ATP8B1: variants seen among roughly 807,000 people sequenced by gnomAD.
The protein encoded by ATP8B1 is phospholipid-transporting ATPase IC.
In ATP8B1, 80 loss-of-function variants were observed where a neutral mutation model predicts 149.9. The ratio of observed to expected loss-of-function variants is 0.53; its 90% CI spans 0.45 to 0.64. The LOEUF (loss-of-function observed/expected upper bound fraction) is 0.64. ATP8B1 is among the 30% of genes least tolerant of loss of function. The probability of loss-of-function intolerance (pLI) is 0.00; values close to 1 mark genes in which losing one functional copy is unlikely to be tolerated. For synonymous variants in ATP8B1, 536 were observed against 562.8 expected (o/e 0.95, Z 0.67); for missense variants, 1,247 against 1,552.6 (o/e 0.80, Z 3.31).
At chr18:57,773,629 G>A (rs1434625649) in intron 1 of ATP8B1, among the ~76,000 whole-genome samples, 1 of 152,126 alleles carries the variant, frequency 6.6e-6, no homozygotes, top group Non-Finnish European at 1.5e-5. Context: ...AACTTCAAGT[G>A]TCTACTCAAA....
At chr18:57,763,407 A>G (rs1416243450) in intron 1 of ATP8B1, among the ~76,000 whole-genome samples, 5 of 152,206 alleles carry the variant, frequency 3.3e-5, no homozygotes, top group African/African-American at 1.2e-4. Flanking sequence ...GAAAAAAAAA[A>G]AATTGTACTC....
rs570839179 is a variant in ATP8B1 at position 57,697,667 on chromosome 18, T to C, written c.649A>G (p.Ser217Gly). ...TAGCAGAGGCTGTTAGGCTCAGAGC[T>C]AGACAGCAGGAGAATGTCAGCCTGT... Reference protein sequence around the residue: ...FVPADILLLSSSEPNSLCYVE... With the variant: ...FVPADILLLSGSEPNSLCYVE... The change falls in exon 8 of 28, where the codon AGC becomes GGC. Residue 217 changes from serine to glycine, a missense_variant. By Grantham distance (56) the Ser-to-Gly change is moderately conservative. Transcript: ENST00000648908. The C allele has an allele frequency of 1.2e-6, 2 of 1,613,964 alleles. No individual in the cohort carries two copies. Among genetic ancestry groups the C allele is most frequent in the South Asian group, 2.2e-5 (2 of 91,058 alleles).
At chr18:57,788,607 T>A (rs1164439483) in intron 1 of ATP8B1, among the ~76,000 whole-genome samples, 2 of 151,646 alleles carry the variant, frequency 1.3e-5, no homozygotes, top group African/African-American at 4.8e-5. Flanking sequence ...TGCTCATCAC[T>A]GAACTGAAAG....
chr18:57,718,461 T>A (rs2079606474), intron 2 of ATP8B1, among the ~76,000 whole-genome samples: 1 of 152,092 alleles, frequency 6.6e-6, no homozygotes, highest in Non-Finnish European at 1.5e-5. Flanking sequence ...TCCTACTCAA[T>A]CTATTCTAAA....
intron 1 of ATP8B1, among the ~76,000 whole-genome samples, chr18:57,778,462 C>T (rs2080329438): frequency 1.3e-5 from 2 of 151,966 alleles, no homozygotes; most frequent in South Asian, 4.2e-4. Flanking sequence ...GAGCTCCTGA[C>T]CTCGTGATCC....
At chr18:57,723,067 C>G (rs1414710279) in intron 2 of ATP8B1, among the ~76,000 whole-genome samples, 1 of 151,522 alleles carries the variant, frequency 6.6e-6, no homozygotes, top group Non-Finnish European at 1.5e-5. Context: ...GCTAAAAACT[C>G]TCAGTAAATT....
chr18:57,780,149 TA>T (rs1254241863), intron 1 of ATP8B1, among the ~76,000 whole-genome samples: 2 of 152,278 alleles, frequency 1.3e-5, no homozygotes, highest in African/African-American at 4.8e-5. Context: ...AAGATGTCAA[TA>T]AATGTAGAGG....
intron 15 of ATP8B1, among the ~76,000 whole-genome samples, chr18:57,681,364 A>G (rs1911960893): frequency 6.6e-6 from 1 of 152,186 alleles, no homozygotes; most frequent in Non-Finnish European, 1.5e-5. Context: ...AGATGAGAAC[A>G]TGGCCCAAAC....
At chr18:57,782,801 C>CTTTT (rs1337164844) in intron 1 of ATP8B1, among the ~76,000 whole-genome samples, 2 of 63,026 alleles carry the variant, frequency 3.2e-5, no homozygotes, top group African/African-American at 1.4e-4. Context: ...TCTAGTTTGT[C>CTTTT]TCTTTTTTTT....
In ATP8B1 at chr18:57,674,820, T is replaced by C; in HGVS notation, c.1819+14A>G. Reference sequence around the variant, plus strand: ...AAATGAGCGATTCATAGACAGACTCTGAGGGGGACTTACCAATGATAGACA... The same window carrying C: ...AAATGAGCGATTCATAGACAGACTCCGAGGGGGACTTACCAATGATAGACA... On this transcript the variant is annotated intron_variant, in intron 16 of 27. Coordinates refer to ENST00000648908, the MANE Select transcript of ATP8B1 (RefSeq NM_001374385.1). The C allele has an allele frequency of 1.2e-6, 2 of 1,613,544 alleles. No homozygotes were observed. The highest frequency in any genetic ancestry group is 2.7e-5 in the African/African-American group (2 of 75,048).
At chr18:57,774,675 A>C (rs1191277759) in intron 1 of ATP8B1, among the ~76,000 whole-genome samples, 3 of 152,146 alleles carry the variant, frequency 2.0e-5, no homozygotes, top group Admixed American at 6.5e-5. Context: ...ATTTTTGCTT[A>C]TTTTGTTTAG....
chr18:57,794,826 A>G (rs1352962902), intron 1 of ATP8B1, among the ~76,000 whole-genome samples: 1 of 148,766 alleles, frequency 6.7e-6, no homozygotes, highest in Non-Finnish European at 1.5e-5. Context: ...GAAAGAAAGA[A>G]TGGCATATGA....
chr18:57,662,375 G>T, intron 21 of ATP8B1, 108 bp downstream of exon 21: 2 of 1,376,346 alleles, frequency 1.5e-6, no homozygotes, highest in Non-Finnish European at 2.0e-6. Context: ...TCATGTATAG[G>T]CTAAGAGACT....
intron 1 of ATP8B1, among the ~76,000 whole-genome samples, chr18:57,738,411 G>A (rs918563377): frequency 1.3e-5 from 2 of 152,144 alleles, no homozygotes; most frequent in Non-Finnish European, 2.9e-5. Context: ...ATCAACTGAG[G>A]TCAAGAGTTC....
chr18:57,721,551 C>T (rs1318522999), intron 2 of ATP8B1, among the ~76,000 whole-genome samples: 1 of 152,090 alleles, frequency 6.6e-6, no homozygotes, highest in African/African-American at 2.4e-5. Context: ...AGCTAACTCT[C>T]CTAAATATAT....
At chr18:57,740,445 GT>G (rs1425302092) in intron 1 of ATP8B1, 1 of 151,608 alleles carries the variant, frequency 6.6e-6, no homozygotes, top group Non-Finnish European at 1.5e-5. Context: ...CTTATTATAT[GT>G]TCCATACTAA....
At position 57,648,726 on chromosome 18, in the gene ATP8B1, A is replaced by G. The variant is rs143480695; in HGVS notation, c.3532-14T>C. 1.2e-4 allele frequency: 187 copies of G among 1,547,718 alleles called. No homozygotes were observed. The highest frequency in any genetic ancestry group is 1.5e-4 in the Non-Finnish European group (175 of 1,145,984). ...ATGCTTCTGGATCTGCAAGGGGGAG[A>G]GATGGGGAGGGATGAAAATAAGATC... On this transcript the variant is annotated splice_polypyrimidine_tract_variant and intron_variant, in intron 27 of 27. Coordinates refer to ENST00000648908, the MANE Select transcript of ATP8B1 (RefSeq NM_001374385.1).
intron 2 of ATP8B1, among the ~76,000 whole-genome samples, chr18:57,707,811 G>A (rs1447774325): frequency 6.6e-6 from 1 of 151,454 alleles, no homozygotes; most frequent in Non-Finnish European, 1.5e-5. Flanking sequence ...CTGGCAAAAT[G>A]ATGTATTTTC....
In ATP8B1 at chr18:57,672,906, AT is replaced by A. The variant is rs1568189214; in HGVS notation, c.1820-1327del. ...AAAAAGTATATATATATATATATAT[AT>A]ATATATATATATATATATATATATA... On this transcript the variant is annotated intron_variant, in intron 16 of 27. Coordinates refer to ENST00000648908, the MANE Select transcript of ATP8B1 (RefSeq NM_001374385.1). Among the ~76,000 whole-genome samples the A allele has an allele frequency of 2.2e-4, 16 of 73,654 alleles. 2 individuals are homozygous for A. The highest frequency in any genetic ancestry group is 4.1e-4 in the African/African-American group (9 of 21,990). The allele number at this position is 73,654 out of a possible 152,430, so 48.3% of individuals were successfully genotyped here. A position where few individuals can be genotyped will look rare whatever the true frequency, so the allele number is the denominator to read the frequency against.
Sources: gnomAD v4.1 joint callset for allele counts (sites outside exome capture counted in the v4.1 genomes callset) on GRCh38, gnomAD v4.1.1 for gene constraint, MANE v1.5 for transcripts, NCBI Gene and HGNC (gene_info 2026-07-23, HGNC 2026-07-21) for gene names.